NIPBL: variants seen among roughly 807,000 people sequenced by gnomAD.
NIPBL encodes the protein nipped-B-like protein.
Under a neutral mutation model 321.8 loss-of-function variants are expected in NIPBL, and 19 were observed. That is an observed-to-expected ratio of 0.06 (90% CI 0.04 to 0.09). NIPBL has a LOEUF of 0.09. Ranked by LOEUF, NIPBL falls within the 10% of genes least tolerant of loss-of-function variation. The pLI is 1.00. For missense variants in NIPBL, 2,210 were observed against 3,327.0 expected (o/e 0.66, Z 8.26); for synonymous variants, 1,106 against 1,114.1 (o/e 0.99, Z 0.14).
At chr5:36,924,716 T>A (rs1279437400) in intron 1 of NIPBL, among the ~76,000 whole-genome samples, 1 of 152,222 alleles carries the variant, frequency 6.6e-6, no homozygotes, top group Non-Finnish European at 1.5e-5. Context: ...TAACTGCTGT[T>A]ATTATCAACA....
intron 10 of NIPBL, 64 bp from the exon 11 acceptor site, chr5:36,995,558 A>T: frequency 9.5e-7 from 1 of 1,057,938 alleles, no homozygotes; most frequent in Non-Finnish European, 1.4e-6. Context: ...ATGCTAACTT[A>T]GTTAAAATTT....
chr5:37,050,691 C>T (rs899956532), intron 40 of NIPBL, among the ~76,000 whole-genome samples: 1 of 152,092 alleles, frequency 6.6e-6, no homozygotes, highest in Non-Finnish European at 1.5e-5. Flanking sequence ...CATATATTTT[C>T]TAAGAACAAG....
At chr5:36,877,503 C>G (rs1745179714) in intron 1 of NIPBL, among the ~76,000 whole-genome samples, 1 of 152,210 alleles carries the variant, frequency 6.6e-6, no homozygotes. Context: ...AGCGGAGCGA[C>G]TGCTGGTCGG....
intron 1 of NIPBL, chr5:36,885,129 C>T (rs896396080): frequency 4.9e-5 from 20 of 409,944 alleles, no homozygotes; most frequent in South Asian, 1.5e-4. Context: ...ATGAGAAATA[C>T]GTTACAGCAC....
chr5:36,898,975 A>G (rs1191515549), intron 1 of NIPBL, among the ~76,000 whole-genome samples: 1 of 151,440 alleles, frequency 6.6e-6, no homozygotes, highest in African/African-American at 2.5e-5. Context: ...ATAAGATTTA[A>G]AGTAGAATTT....
intron 4 of NIPBL, among the ~76,000 whole-genome samples, chr5:36,960,461 G>A (rs1741490656): frequency 6.6e-6 from 1 of 151,996 alleles, no homozygotes; most frequent in Non-Finnish European, 1.5e-5. Context: ...GTTTGAGTTG[G>A]AAAAGAAAAG....
chr5:36,907,576 A>G (rs1351574005), intron 1 of NIPBL, among the ~76,000 whole-genome samples: 1 of 152,190 alleles, frequency 6.6e-6, no homozygotes, highest in African/African-American at 2.4e-5. Context: ...TTGTGGGAGT[A>G]ATATGACTGA....
chr5:37,007,899 C>A, intron 18 of NIPBL, 109 bp from the exon 19 acceptor site: 1 of 743,738 alleles, frequency 1.3e-6, no homozygotes, highest in Admixed American at 2.1e-5. Context: ...AGAAAAAATG[C>A]TTTCTTAGTG....
chr5:37,052,593 G>C (rs1424808166), intron 42 of NIPBL, 27 bp downstream of exon 42: 1 of 1,560,588 alleles, frequency 6.4e-7, no homozygotes. Context: ...ATTATTTTAA[G>C]AAAATAAGTG....
intron 45 of NIPBL, among the ~76,000 whole-genome samples, chr5:37,063,235 G>A (rs891260967): frequency 4.6e-5 from 7 of 151,772 alleles, no homozygotes; most frequent in African/African-American, 1.7e-4. Context: ...ATAAAATAAG[G>A]TTTTTTGAAC....
At chr5:36,963,182 A>C (rs1316021509) in intron 6 of NIPBL, among the ~76,000 whole-genome samples, 1 of 152,158 alleles carries the variant, frequency 6.6e-6, no homozygotes, top group Non-Finnish European at 1.5e-5. Flanking sequence ...ATTTATTATT[A>C]GTATAAATTG....
chr5:36,945,778 G>A (rs545346858), intron 1 of NIPBL, among the ~76,000 whole-genome samples: 1 of 152,122 alleles, frequency 6.6e-6, no homozygotes, highest in Non-Finnish European at 1.5e-5. Flanking sequence ...TAGGATTTGA[G>A]GAAGATCCTT....
chr5:37,041,689 A>C (rs554809850), intron 34 of NIPBL, among the ~76,000 whole-genome samples: 72 of 151,880 alleles, frequency 4.7e-4, no homozygotes, highest in South Asian at 4.4e-3. Context: ...TAGCCACCCA[A>C]GTAGCTGGGA....
At chr5:36,888,263 G>A (rs1029874799) in intron 1 of NIPBL, among the ~76,000 whole-genome samples, 1 of 152,086 alleles carries the variant, frequency 6.6e-6, no homozygotes, top group Non-Finnish European at 1.5e-5. Flanking sequence ...ATACTATATA[G>A]CCTAAATGTG....
At chr5:37,014,813 G>C (rs774624534) in intron 22 of NIPBL, 48 bp downstream of exon 22, 1 of 1,086,332 alleles carries the variant, frequency 9.2e-7, no homozygotes, top group East Asian at 2.4e-5. Flanking sequence ...ACAGTATAGA[G>C]AATAGTTCAT....
rs187322968 is a variant in NIPBL, at chr5:36,984,150, A to G, written c.1496-526A>G. ...CTTTTTTTAAATTCATTTTTTCCCAATGGCATGGTATATATTTTCTTTCTT... is the reference window on the plus strand; with the variant it reads ...CTTTTTTTAAATTCATTTTTTCCCAGTGGCATGGTATATATTTTCTTTCTT... On this transcript the variant is annotated intron_variant, in intron 9 of 46. Transcript: ENST00000282516. Among the ~76,000 whole-genome samples the G allele has an allele frequency of 2.6e-3, 396 of 152,030 alleles. 4 individuals are homozygous for G. Among genetic ancestry groups the G allele is most frequent in the Non-Finnish European group, 2.4e-3 (160 of 67,932 alleles).
chr5:37,064,494 C>T, intron 46 of NIPBL, 33 bp from the exon 47 acceptor site: 1 of 1,607,398 alleles, frequency 6.2e-7, no homozygotes, highest in Non-Finnish European at 8.5e-7. Flanking sequence ...TTGTGTAACA[C>T]TTGGTCTTTT....
chr5:36,952,021 T>TGC (rs1740356351), intron 1 of NIPBL, among the ~76,000 whole-genome samples: 1 of 89,378 alleles, frequency 1.1e-5, no homozygotes, highest in Non-Finnish European at 2.6e-5. Context: ...TGTTAAACTG[T>TGC]GTGTGTGTGT....
intron 1 of NIPBL, among the ~76,000 whole-genome samples, chr5:36,889,774 C>G (rs528956583): frequency 6.6e-6 from 1 of 152,018 alleles, no homozygotes; most frequent in African/African-American, 2.4e-5. Flanking sequence ...ACAATCCATT[C>G]CTTTATTTTC....
Sources: allele counts gnomAD v4.1 joint callset (sites outside exome capture counted in the v4.1 genomes callset), GRCh38; gene constraint gnomAD v4.1.1; transcripts MANE v1.5; gene names NCBI Gene and HGNC (gene_info 2026-07-23, HGNC 2026-07-21).